The following UBASH3B variants were observed in gnomAD, a reference collection of about 807,000 sequenced individuals.
The protein encoded by UBASH3B is ubiquitin-associated and SH3 domain-containing protein B.
Under a neutral mutation model 83.4 loss-of-function variants are expected in UBASH3B, and 37 were observed. The ratio of observed to expected loss-of-function variants is 0.44; its 90% CI spans 0.34 to 0.58. The LOEUF (loss-of-function observed/expected upper bound fraction) is 0.58. Among genes scored for constraint, UBASH3B ranks in the 20% least tolerant of loss-of-function variants. The pLI, the probability that UBASH3B is intolerant of heterozygous loss-of-function variation, is 0.01. For synonymous variants in UBASH3B, 304 were observed against 318.3 expected, an observed-to-expected ratio of 0.96 and a Z score of 0.48; for missense variants, 657 against 827.2, an observed-to-expected ratio of 0.79 and a Z score of 2.52.
intron 5 of UBASH3B, among the ~76,000 whole-genome samples, chr11:122,785,650 A>G (rs978736767): frequency 3.9e-5 from 6 of 152,214 alleles, no homozygotes; most frequent in African/African-American, 9.7e-5. Context: ...AAAAGCATCA[A>G]TTTTGGAGTC....
chr11:122,679,423 C>T (rs1357708488), intron 1 of UBASH3B, among the ~76,000 whole-genome samples: 4 of 152,192 alleles, frequency 2.6e-5, no homozygotes, highest in Non-Finnish European at 2.9e-5. Flanking sequence ...AGCATAGCCT[C>T]GCCACTCAAA....
At chr11:122,660,273 TGTGTGC>T (rs1216554910) in intron 1 of UBASH3B, among the ~76,000 whole-genome samples, 1 of 152,126 alleles carries the variant, frequency 6.6e-6, no homozygotes, top group Non-Finnish European at 1.5e-5. Flanking sequence ...TCACGGTGTG[TGTGTGC>T]GTGTGCGCTC....
intron 1 of UBASH3B, among the ~76,000 whole-genome samples, chr11:122,722,268 CTT>C (rs1860651364): frequency 6.6e-6 from 1 of 152,210 alleles, no homozygotes; most frequent in African/African-American, 2.4e-5. Context: ...CCTTGCAAGA[CTT>C]TGACTTAAAC....
chr11:122,694,028 G>C (rs1485874313), intron 1 of UBASH3B, among the ~76,000 whole-genome samples: 1 of 152,190 alleles, frequency 6.6e-6, no homozygotes, highest in Non-Finnish European at 1.5e-5. Flanking sequence ...AGGTCGACTA[G>C]GGCACGCAGG....
chr11:122,699,531 C>CTCTTTCTT (rs60346108), intron 1 of UBASH3B, among the ~76,000 whole-genome samples: 10,079 of 107,390 alleles, frequency 0.094, 463 homozygotes, highest in African/African-American at 0.12. Context: ...TTCTTTCTTT[C>CTCTTTCTT]TCTTTCTTTC....
chr11:122,699,723 G>C (rs1287343876), intron 1 of UBASH3B, among the ~76,000 whole-genome samples: 1 of 151,902 alleles, frequency 6.6e-6, no homozygotes, highest in Non-Finnish European at 1.5e-5. Context: ...GCTAGGACTA[G>C]AGGCAAATGC....
chr11:122,666,487 C>T (rs1863521357), intron 1 of UBASH3B, among the ~76,000 whole-genome samples: 2 of 152,012 alleles, frequency 1.3e-5, no homozygotes, highest in African/African-American at 4.8e-5. Context: ...GGCACGATCT[C>T]GGCTCACTGC....
intron 1 of UBASH3B, among the ~76,000 whole-genome samples, chr11:122,667,124 A>C (rs1038459703): frequency 1.4e-5 from 2 of 145,942 alleles, no homozygotes; most frequent in Non-Finnish European, 3.0e-5. Context: ...GCTCACTGCA[A>C]CCTTTGCCTC....
At chr11:122,751,853 G>A (rs747129717) in intron 1 of UBASH3B, among the ~76,000 whole-genome samples, 3 of 152,182 alleles carry the variant, frequency 2.0e-5, no homozygotes, top group Non-Finnish European at 4.4e-5. Context: ...TCCAGTGAGA[G>A]AAACCTCTAG....
At chr11:122,791,378 CAT>C (rs1861050818) in intron 6 of UBASH3B, among the ~76,000 whole-genome samples, 1 of 152,190 alleles carries the variant, frequency 6.6e-6, no homozygotes, top group Non-Finnish European at 1.5e-5. Flanking sequence ...GCACTTACCT[CAT>C]AAGGTTGTTG....
chr11:122,705,735 C>T (rs995696611), intron 1 of UBASH3B, among the ~76,000 whole-genome samples: 10 of 152,194 alleles, frequency 6.6e-5, no homozygotes, highest in African/African-American at 2.4e-4. Flanking sequence ...TGCCATCTAC[C>T]ACCTCATGTA....
intron 6 of UBASH3B, among the ~76,000 whole-genome samples, chr11:122,792,746 T>C (rs1356347745): frequency 6.6e-6 from 1 of 152,246 alleles, no homozygotes. Context: ...TAAATTTTAC[T>C]GTAACAGGTT....
intron 1 of UBASH3B, among the ~76,000 whole-genome samples, chr11:122,683,295 T>A (rs1242370044): frequency 1.3e-5 from 2 of 151,432 alleles, no homozygotes; most frequent in Non-Finnish European, 2.9e-5. Context: ...TCAGTTTGTA[T>A]CTTTAAAAGA....
intron 1 of UBASH3B, among the ~76,000 whole-genome samples, chr11:122,725,879 A>G (rs1265695022): frequency 6.6e-6 from 1 of 152,016 alleles, no homozygotes; most frequent in Non-Finnish European, 1.5e-5. Flanking sequence ...TCTTTAGTAG[A>G]GACAGGGTTT....
intron 1 of UBASH3B, among the ~76,000 whole-genome samples, chr11:122,733,814 C>T (rs541707466): frequency 1.5e-4 from 23 of 152,308 alleles, no homozygotes; most frequent in African/African-American, 5.5e-4. Context: ...TGACAGTTGA[C>T]TTGTATCTTG....
intron 1 of UBASH3B, among the ~76,000 whole-genome samples, chr11:122,768,182 T>C (rs1348133994): frequency 6.6e-6 from 1 of 152,138 alleles, no homozygotes; most frequent in Non-Finnish European, 1.5e-5. Flanking sequence ...GTTGCCACAT[T>C]GCTTAACTGA....
intron 1 of UBASH3B, among the ~76,000 whole-genome samples, chr11:122,678,619 G>C (rs982883655): frequency 6.6e-6 from 1 of 152,174 alleles, no homozygotes; most frequent in Non-Finnish European, 1.5e-5. Context: ...CCACTGCCCA[G>C]AGGCTGAAAG....
At chr11:122,798,389 A>G (rs1422017341) in intron 9 of UBASH3B, among the ~76,000 whole-genome samples, 1 of 152,054 alleles carries the variant, frequency 6.6e-6, no homozygotes, top group East Asian at 1.9e-4. Flanking sequence ...AGCCTTTACC[A>G]CTTGTTAGCA....
intron 1 of UBASH3B, among the ~76,000 whole-genome samples, chr11:122,728,398 G>A (rs1054382226): frequency 2.0e-5 from 3 of 152,178 alleles, no homozygotes; most frequent in African/African-American, 4.8e-5. Flanking sequence ...GAAGCAGGTC[G>A]GGGGATTGGG....
Sources: allele counts gnomAD v4.1 joint callset (sites outside exome capture counted in the v4.1 genomes callset), GRCh38; gene constraint gnomAD v4.1.1; transcripts MANE v1.5; gene names NCBI Gene and HGNC (gene_info 2026-07-23, HGNC 2026-07-21).